The following RBFOX1 variants were observed in gnomAD, a reference collection of about 807,000 sequenced individuals.
RBFOX1 encodes RNA binding protein fox-1 homolog 1.
RBFOX1 carries 8 observed loss-of-function variants against 57.7 expected under a neutral mutation model. The observed-to-expected ratio is 0.14, with a 90% CI of 0.08 to 0.25. RBFOX1 has a LOEUF of 0.25. RBFOX1 is among the 10% of genes least tolerant of loss of function. RBFOX1 has a pLI of 1.00. For synonymous variants in RBFOX1, 326 were observed against 222.4 expected, an observed-to-expected ratio of 1.47 and a Z score of -4.15; for missense variants, 611 against 548.5, an observed-to-expected ratio of 1.11 and a Z score of -1.14.
chr16:6,752,958 G>C (rs1411209369), intron 3 of RBFOX1, among the ~76,000 whole-genome samples: 1 of 151,908 alleles, frequency 6.6e-6, no homozygotes, highest in Non-Finnish European at 1.5e-5. Context: ...ATTGTACTTG[G>C]TTGCTATGGA....
intron 4 of RBFOX1, among the ~76,000 whole-genome samples, chr16:7,086,463 C>A (rs1383227675): frequency 6.6e-6 from 1 of 152,080 alleles, no homozygotes; most frequent in Non-Finnish European, 1.5e-5. Flanking sequence ...ATTGCATTCC[C>A]CATCCTCTCA....
At chr16:6,684,119 G>C (rs1281514633) in intron 3 of RBFOX1, among the ~76,000 whole-genome samples, 1 of 152,184 alleles carries the variant, frequency 6.6e-6, no homozygotes, top group African/African-American at 2.4e-5. Context: ...AGAATTTCCT[G>C]ATGGTTTTCA....
At chr16:6,011,463 G>T (rs1330129958) in intron 4 of RBFOX1, among the ~76,000 whole-genome samples, 1 of 152,066 alleles carries the variant, frequency 6.6e-6, no homozygotes, top group African/African-American at 2.4e-5. Context: ...GAAGTCTTGA[G>T]CTTAAGTTTG....
At chr16:5,970,565 A>T (rs2059942136) in intron 4 of RBFOX1, among the ~76,000 whole-genome samples, 1 of 152,208 alleles carries the variant, frequency 6.6e-6, no homozygotes, top group Non-Finnish European at 1.5e-5. Context: ...AATAAGATAG[A>T]AATCTTGACC....
At chr16:5,508,713 C>G (rs1158675204) in intron 2 of RBFOX1, among the ~76,000 whole-genome samples, 2 of 152,166 alleles carry the variant, frequency 1.3e-5, no homozygotes, top group Non-Finnish European at 2.9e-5. Context: ...GTGCCATACC[C>G]AAGGTGGGGC....
chr16:7,198,360 G>A (rs1326555133), intron 4 of RBFOX1, among the ~76,000 whole-genome samples: 1 of 152,182 alleles, frequency 6.6e-6, no homozygotes, highest in Non-Finnish European at 1.5e-5. Flanking sequence ...ACTAGACAGA[G>A]GGTGGTAGTT....
At chr16:6,182,085 T>C (rs2097067807) in intron 1 of RBFOX1, among the ~76,000 whole-genome samples, 1 of 152,122 alleles carries the variant, frequency 6.6e-6, no homozygotes, top group Non-Finnish European at 1.5e-5. Flanking sequence ...CCAGGGAAAA[T>C]ACAAAAGCAA....
At chr16:6,484,105 C>T (rs1206888285) in intron 2 of RBFOX1, among the ~76,000 whole-genome samples, 1 of 152,132 alleles carries the variant, frequency 6.6e-6, no homozygotes, top group South Asian at 2.1e-4. Context: ...TGCCAATGCT[C>T]ATTGGCTCCG....
intron 14 of RBFOX1, among the ~76,000 whole-genome samples, chr16:7,697,997 G>T (rs1194395004): frequency 6.6e-6 from 1 of 152,140 alleles, no homozygotes; most frequent in Non-Finnish European, 1.5e-5. Flanking sequence ...AGAGGGAGCA[G>T]ATGTCAGGTC....
At chr16:7,544,641 G>C (rs538555548) in intron 5 of RBFOX1, among the ~76,000 whole-genome samples, 1 of 152,230 alleles carries the variant, frequency 6.6e-6, no homozygotes, top group South Asian at 2.1e-4. Flanking sequence ...TTCAGATGGA[G>C]CATGGTTTAG....
chr16:5,292,853 G>C (rs1178781538), intron 1 of RBFOX1, among the ~76,000 whole-genome samples: 1 of 151,990 alleles, frequency 6.6e-6, no homozygotes, highest in Non-Finnish European at 1.5e-5. Context: ...TTGATCTCCT[G>C]ACCTCGTGGT....
At chr16:7,565,413 A>G (rs2091435196) in intron 5 of RBFOX1, among the ~76,000 whole-genome samples, 1 of 152,182 alleles carries the variant, frequency 6.6e-6, no homozygotes, top group South Asian at 2.1e-4. Flanking sequence ...GGTATATTGC[A>G]GAGCTCTGCG....
Position 5,697,593 on chromosome 16 carries a change from G to A in RBFOX1, c.318+98632G>A, listed in dbSNP as rs895475777. Among the ~76,000 whole-genome samples, 7 of 147,828 alleles carry A rather than the reference G, an allele frequency of 4.7e-5. No individual in the cohort carries two copies. The South Asian group carries it at 6.4e-4, about 14-fold the overall frequency. ...CTGTCACCCAGGCTGGAGTGCATTGGCATGACCTCAGCTCACTGCAACCTC... is the reference window on the plus strand; with the variant it reads ...CTGTCACCCAGGCTGGAGTGCATTGACATGACCTCAGCTCACTGCAACCTC... On this transcript the variant is annotated intron_variant, in intron 3 of 19. Coordinates refer to the RBFOX1 transcript ENST00000641259.
At chr16:7,489,035 A>C (rs570743021) in intron 4 of RBFOX1, among the ~76,000 whole-genome samples, 1 of 152,120 alleles carries the variant, frequency 6.6e-6, no homozygotes, top group South Asian at 2.1e-4. Flanking sequence ...ATCTATCTCT[A>C]TCTTTATAAA....
intron 3 of RBFOX1, among the ~76,000 whole-genome samples, chr16:5,858,531 CCT>C (rs2057128156): frequency 1.3e-5 from 2 of 152,196 alleles, no homozygotes; most frequent in Admixed American, 1.3e-4. Context: ...GCCTCTTGCT[CCT>C]CTCAAAATCG....
chr16:6,830,810 GATAAA>G (rs2092653278), intron 3 of RBFOX1, among the ~76,000 whole-genome samples: 1 of 152,146 alleles, frequency 6.6e-6, no homozygotes, highest in Non-Finnish European at 1.5e-5. Flanking sequence ...GAGTCATCCA[GATAAA>G]ATCGGTGTTG....
At chr16:6,509,747 C>T (rs1399450128) in intron 2 of RBFOX1, among the ~76,000 whole-genome samples, 1 of 152,072 alleles carries the variant, frequency 6.6e-6, no homozygotes, top group Non-Finnish European at 1.5e-5. Flanking sequence ...CCCATTTACC[C>T]TGATGTGATT....
intron 4 of RBFOX1, among the ~76,000 whole-genome samples, chr16:7,193,101 A>C (rs2085831293): frequency 6.6e-6 from 1 of 152,240 alleles, no homozygotes; most frequent in South Asian, 2.1e-4. Flanking sequence ...ATGTAGAGTT[A>C]GGCTTGCTAA....
chr16:7,607,252 G>A, intron 9 of RBFOX1, 33 bp from the exon 10 acceptor site: 3 of 1,583,368 alleles, frequency 1.9e-6, no homozygotes, highest in Non-Finnish European at 2.6e-6. Context: ...TGAATCAAAT[G>A]TGATAATAAT....
Sources: gnomAD v4.1 joint callset for allele counts (sites outside exome capture counted in the v4.1 genomes callset) on GRCh38, gnomAD v4.1.1 for gene constraint, MANE v1.5 for transcripts, NCBI Gene and HGNC (gene_info 2026-07-23, HGNC 2026-07-21) for gene names.